The following PACS1 variants were observed in gnomAD, a reference collection of about 807,000 sequenced individuals.
The protein encoded by PACS1 is PACS-1.
Under a neutral mutation model 115.0 loss-of-function variants are expected in PACS1, and 24 were observed. The ratio of observed to expected loss-of-function variants is 0.21; its 90% CI spans 0.15 to 0.29. The LOEUF (loss-of-function observed/expected upper bound fraction) is 0.29, where lower values mean the gene tolerates loss of function less well. PACS1 is among the 10% of genes least tolerant of loss of function. The pLI is 1.00. For synonymous variants in PACS1, 453 were observed against 504.5 expected (o/e 0.90, Z 1.37); for missense variants, 838 against 1,251.2 (o/e 0.67, Z 4.98).
chr11:66,083,231 A>G lies in PACS1; in HGVS notation c.356+12389A>G, dbSNP rs547412425. Among the ~76,000 whole-genome samples the G allele has an allele frequency of 5.3e-5, 8 of 152,342 alleles. No individual in the cohort carries two copies. The South Asian group carries it at 6.2e-4, about 12-fold the overall frequency. On this transcript the variant is annotated intron_variant, in intron 1 of 23. Coordinates refer to ENST00000320580, the MANE Select transcript of PACS1 (RefSeq NM_018026.4). ...TGGGAACATAAAAACTCCTGTGGCT[A>G]TTAATGGATTTAATTGTATTTCCTC...
At chr11:66,145,151 A>T (rs1289093919) in intron 1 of PACS1, among the ~76,000 whole-genome samples, 1 of 152,250 alleles carries the variant, frequency 6.6e-6, no homozygotes, top group Non-Finnish European at 1.5e-5. Flanking sequence ...GGCTCTAGAA[A>T]TGGAATAAAT....
chr11:66,216,906 AACGCTCTAT>A (rs1855226309), intron 7 of PACS1, 131 bp downstream of exon 7: 3 of 622,486 alleles, frequency 4.8e-6, no homozygotes, highest in Non-Finnish European at 5.9e-6. Context: ...GATTCCAATG[AACGCTCTAT>A]ATCCTCACCA....
chr11:66,186,314 A>G (rs1477027828), intron 1 of PACS1, among the ~76,000 whole-genome samples: 4 of 151,226 alleles, frequency 2.6e-5, no homozygotes, highest in Admixed American at 2.6e-4. Context: ...TATGGTTTAC[A>G]GAGGCCTGCA....
chr11:66,164,977 G>A (rs1272393843), intron 1 of PACS1, among the ~76,000 whole-genome samples: 2 of 152,148 alleles, frequency 1.3e-5, no homozygotes, highest in Admixed American at 6.5e-5. Context: ...CCAGTGTGGA[G>A]ACCAAGCTGC....
At chr11:66,103,727 T>C (rs1003166478) in intron 1 of PACS1, among the ~76,000 whole-genome samples, 3 of 152,066 alleles carry the variant, frequency 2.0e-5, no homozygotes, top group African/African-American at 7.2e-5. Flanking sequence ...TTGGCCAGGC[T>C]GGTCTCAAAC....
chr11:66,215,235 G>A (rs1241257217), intron 4 of PACS1, among the ~76,000 whole-genome samples: 1 of 151,886 alleles, frequency 6.6e-6, no homozygotes, highest in East Asian at 1.9e-4. Flanking sequence ...CCTGGCCCGA[G>A]CAGCCATTTT....
At chr11:66,145,243 C>G (rs1859092168) in intron 1 of PACS1, among the ~76,000 whole-genome samples, 1 of 152,156 alleles carries the variant, frequency 6.6e-6, no homozygotes, top group Non-Finnish European at 1.5e-5. Flanking sequence ...TGACTCCTTG[C>G]CTAAATGGTA....
chr11:66,147,092 T>C (rs1022250511), intron 1 of PACS1, among the ~76,000 whole-genome samples: 8 of 152,054 alleles, frequency 5.3e-5, no homozygotes, highest in Non-Finnish European at 1.0e-4. Context: ...AATAAGAATG[T>C]CTTGAAAGCA....
intron 1 of PACS1, among the ~76,000 whole-genome samples, chr11:66,119,028 G>A (rs928284801): frequency 6.6e-6 from 1 of 152,192 alleles, no homozygotes; most frequent in African/African-American, 2.4e-5. Context: ...TGGGATGCCT[G>A]AGCTGAGTGG....
intron 1 of PACS1, among the ~76,000 whole-genome samples, chr11:66,091,808 G>C (rs1343617844): frequency 6.6e-6 from 1 of 151,854 alleles, no homozygotes; most frequent in Non-Finnish European, 1.5e-5. Context: ...TACTGAGAAT[G>C]ATGATTTCCA....
In PACS1 at chr11:66,129,170, G is replaced by T. The variant is rs189121268; in HGVS notation, c.356+58328G>T. On this transcript the variant is annotated intron_variant, in intron 1 of 23. Transcript: ENST00000320580. The stretch of plus-strand genomic sequence containing the variant: ...GAAGGGGCCAGGTGTGGTGGCTCAT[G>T]CCTGTAATCCCAGCACTTGGGGAGG... Among the ~76,000 whole-genome samples the T allele has an allele frequency of 1.7e-4, 26 of 152,022 alleles. 1 individual carries two copies. Among genetic ancestry groups the T allele is most frequent in the Admixed American group, 1.4e-3 (22 of 15,264 alleles).
At chr11:66,179,219 T>C (rs892328965) in intron 1 of PACS1, among the ~76,000 whole-genome samples, 4 of 152,218 alleles carry the variant, frequency 2.6e-5, no homozygotes, top group Non-Finnish European at 5.9e-5. Flanking sequence ...GACCACTTGC[T>C]CTCCTTTTCT....
chr11:66,141,303 T>A (rs959370152), intron 1 of PACS1, among the ~76,000 whole-genome samples: 11 of 152,186 alleles, frequency 7.2e-5, no homozygotes, highest in African/African-American at 2.7e-4. Context: ...TTCCTTTTTT[T>A]TCCCCAGAGA....
intron 19 of PACS1, chr11:66,238,221 G>T: frequency 1.0e-6 from 1 of 985,316 alleles, no homozygotes; most frequent in Non-Finnish European, 1.2e-6. Context: ...AGAGGAGAAG[G>T]CTGGTGTCCA....
Position 66,070,801 on chromosome 11 carries a change from C to A in PACS1, c.315C>A (p.Ala105=). 6.0e-6 allele frequency: 9 copies of A among 1,507,366 alleles called. No homozygotes were observed. Among genetic ancestry groups the A allele is most frequent in the Non-Finnish European group, 7.1e-6 (8 of 1,134,496 alleles). 93.4% of individuals were successfully genotyped at this position (1,507,366 alleles called of 1,614,324 possible). A position where few individuals can be genotyped will look rare whatever the true frequency, so the allele number is the denominator to read the frequency against. The change falls in exon 1 of 24, where the codon GCC becomes GCA. Residue 105 remains alanine, a synonymous_variant. Transcript: ENST00000320580. This position sits in a 1 kb window ranked among gnomAD's most constrained non-coding sequence, Gnocchi z 5.9. ...TPAPVQMNLY[A]TWEVDRSSSS... Reference sequence around the variant, plus strand: ...CCCCGGTGCAGATGAACCTGTACGCCACCTGGGAGGTGGACCGGAGCTCGT... The same window carrying A: ...CCCCGGTGCAGATGAACCTGTACGCAACCTGGGAGGTGGACCGGAGCTCGT...
At chr11:66,097,556 C>T (rs929485665) in intron 1 of PACS1, among the ~76,000 whole-genome samples, 8 of 152,184 alleles carry the variant, frequency 5.3e-5, no homozygotes, top group Non-Finnish European at 1.0e-4. Flanking sequence ...ACCTTGGTGG[C>T]ACCTTATAGA....
intron 1 of PACS1, among the ~76,000 whole-genome samples, chr11:66,180,441 C>A (rs1859981974): frequency 2.0e-5 from 3 of 151,746 alleles, no homozygotes; most frequent in Non-Finnish European, 4.4e-5. Context: ...TGCAACCTCC[C>A]ACTCCCTGAT....
At chr11:66,105,892 C>T (rs1858026843) in intron 1 of PACS1, among the ~76,000 whole-genome samples, 1 of 152,158 alleles carries the variant, frequency 6.6e-6, no homozygotes, top group Non-Finnish European at 1.5e-5. Context: ...ATTGGGTTTA[C>T]AAGCTTACAT....
intron 1 of PACS1, among the ~76,000 whole-genome samples, chr11:66,124,399 C>G (rs2134566978): frequency 6.6e-6 from 1 of 152,202 alleles, no homozygotes; most frequent in East Asian, 1.9e-4. Context: ...ATAATATAAC[C>G]TAGAGTTATA....
Sources: gnomAD v4.1 joint callset for allele counts (sites outside exome capture counted in the v4.1 genomes callset) on GRCh38, gnomAD v4.1.1 for gene constraint, Gnocchi (gnomAD v3.1) non-coding constraint, MANE v1.5 for transcripts, NCBI Gene and HGNC (gene_info 2026-07-23, HGNC 2026-07-21) for gene names.